Variants in PRR16 observed in about 807,000 individuals in gnomAD.
PRR16 encodes protein Largen.
Under a neutral mutation model 18.2 loss-of-function variants are expected in PRR16, and 6 were observed. The observed-to-expected ratio is 0.33, with a 90% CI of 0.18 to 0.65. The LOEUF is 0.65. Among genes scored for constraint, PRR16 ranks in the 30% least tolerant of loss-of-function variants. The probability of loss-of-function intolerance (pLI) is 0.74; values close to 1 mark genes in which losing one functional copy is unlikely to be tolerated. For synonymous variants in PRR16, 151 were observed against 147.8 expected, an observed-to-expected ratio of 1.02 and a Z score of -0.16; for missense variants, 412 against 376.6, an observed-to-expected ratio of 1.09 and a Z score of -0.78.
the PRR16 span, among the ~76,000 whole-genome samples, chr5:120,757,441 T>A: frequency 1.3e-5 from 2 of 152,096 alleles, no homozygotes; most frequent in Non-Finnish European, 2.9e-5. Context: ...ATTCTTCCAT[T>A]CCATGAGTAT....
the PRR16 span, among the ~76,000 whole-genome samples, chr5:120,698,295 C>T: frequency 2.0e-5 from 3 of 151,832 alleles, no homozygotes; most frequent in South Asian, 2.1e-4. Flanking sequence ...GGCCTGGATA[C>T]AGTTTTGTAT....
At chr5:120,546,883 A>G (rs529535473) in intron 1 of PRR16, among the ~76,000 whole-genome samples, 57 of 152,188 alleles carry the variant, frequency 3.7e-4, no homozygotes, top group African/African-American at 1.3e-3. Flanking sequence ...TAGCAGCACT[A>G]ACCCATAGGC....
At chr5:120,487,838 T>C (rs1749869021) in intron 1 of PRR16, among the ~76,000 whole-genome samples, 1 of 152,198 alleles carries the variant, frequency 6.6e-6, no homozygotes, top group African/African-American at 2.4e-5. Context: ...ACCGAATTTA[T>C]TGAGAGTTGT....
chr5:120,689,476 T>G (rs545799151), downstream of PRR16, among the ~76,000 whole-genome samples: 6 of 152,304 alleles, frequency 3.9e-5, no homozygotes, highest in African/African-American at 1.4e-4. Context: ...TAAAATATAG[T>G]ACATATTTCC....
chr5:120,733,337 A>G, the PRR16 span, among the ~76,000 whole-genome samples: 6 of 151,938 alleles, frequency 3.9e-5, no homozygotes, highest in East Asian at 1.2e-3. Context: ...TTTTAAAGAG[A>G]TGGGGTCTCA....
chr5:120,543,381 T>C (rs1281181308), intron 1 of PRR16, among the ~76,000 whole-genome samples: 2 of 152,158 alleles, frequency 1.3e-5, no homozygotes. Context: ...TGTTGACTTT[T>C]ATCTGGGGAC....
intron 1 of PRR16, among the ~76,000 whole-genome samples, chr5:120,523,917 T>C (rs1184753704): frequency 6.6e-6 from 1 of 152,160 alleles, no homozygotes; most frequent in East Asian, 1.9e-4. Context: ...AGAATTAATA[T>C]TTGAAAAGCA....
At chr5:120,731,251 T>C in the PRR16 span, among the ~76,000 whole-genome samples, 1 of 152,186 alleles carries the variant, frequency 6.6e-6, no homozygotes, top group African/African-American at 2.4e-5. Flanking sequence ...AACTAAAATA[T>C]GTAATTCTGG....
intron 1 of PRR16, among the ~76,000 whole-genome samples, chr5:120,589,790 C>G (rs551013907): frequency 1.3e-5 from 2 of 152,012 alleles, no homozygotes; most frequent in African/African-American, 4.8e-5. Flanking sequence ...TCCTGCAACA[C>G]GTAGGAATTA....
chr5:120,502,051 T>A (rs1430722337), intron 1 of PRR16, among the ~76,000 whole-genome samples: 1 of 149,200 alleles, frequency 6.7e-6, no homozygotes, highest in African/African-American at 2.5e-5. Context: ...TCAAATGAAG[T>A]ACGTTAATAA....
chr5:120,603,645 A>T (rs1338473053), intron 1 of PRR16, among the ~76,000 whole-genome samples: 1 of 151,780 alleles, frequency 6.6e-6, no homozygotes, highest in Non-Finnish European at 1.5e-5. Flanking sequence ...TCTAGGTGTG[A>T]TGTTAGGTTA....
In PRR16 at chr5:120,686,275, G is replaced by T; in HGVS notation, c.481G>T (p.Gly161Cys). The stretch of plus-strand genomic sequence containing the variant: ...CCTTCTACGAAATGGAGGCTTACCA[G>T]GTGGACCTAACAAAATTCCAAATGG... ...GTLLRNGGLP[G>C]GPNKIPNGDI... Residue 161 changes from glycine (G) to cysteine (C), a missense_variant, in exon 2 of 2, where the codon GGT (glycine) becomes TGT (cysteine). Coordinates refer to ENST00000407149, the MANE Select transcript of PRR16 (RefSeq NM_001300783.2). 2 of 1,614,096 alleles carry T rather than the reference G, an allele frequency of 1.2e-6. No individual in the cohort carries two copies. The highest frequency in any genetic ancestry group is 1.7e-6 in the Non-Finnish European group (2 of 1,180,034).
chr5:120,751,278 G>T, the PRR16 span, among the ~76,000 whole-genome samples: 1 of 152,042 alleles, frequency 6.6e-6, no homozygotes, highest in African/African-American at 2.4e-5. Context: ...TTTTCTTCTG[G>T]AGATACACCT....
intron 1 of PRR16, among the ~76,000 whole-genome samples, chr5:120,541,240 G>A (rs1003786969): frequency 6.6e-4 from 101 of 152,288 alleles, no homozygotes; most frequent in African/African-American, 2.4e-3. Context: ...TCTGCCTCCA[G>A]GTTCAAGTGA....
chr5:120,623,389 G>A (rs953640542), intron 1 of PRR16, among the ~76,000 whole-genome samples: 20 of 152,080 alleles, frequency 1.3e-4, no homozygotes, highest in Non-Finnish European at 2.4e-4. Context: ...GCACAAAGTG[G>A]GAGGTACTTC....
At chr5:120,626,342 A>G (rs568032187) in intron 1 of PRR16, among the ~76,000 whole-genome samples, 15 of 152,280 alleles carry the variant, frequency 9.9e-5, no homozygotes, top group Non-Finnish European at 1.8e-4. Flanking sequence ...CCCCACAGAA[A>G]CAGTATGTTA....
At chr5:120,684,372 C>T (rs981426898) in intron 1 of PRR16, among the ~76,000 whole-genome samples, 4 of 152,210 alleles carry the variant, frequency 2.6e-5, no homozygotes, top group South Asian at 2.1e-4. Context: ...TCCTGTCCAA[C>T]GTCTAGATGC....
chr5:120,738,774 G>T, the PRR16 span, among the ~76,000 whole-genome samples: 1 of 152,124 alleles, frequency 6.6e-6, no homozygotes. Flanking sequence ...CTGAGTGTCA[G>T]TAATCATAGC....
chr5:120,658,892 T>C (rs1007352522), intron 1 of PRR16, among the ~76,000 whole-genome samples: 1 of 151,934 alleles, frequency 6.6e-6, no homozygotes, highest in African/African-American at 2.4e-5. Flanking sequence ...TTTCCTTCTT[T>C]TTTTATTTCT....
Sources: allele counts gnomAD v4.1 joint callset (sites outside exome capture counted in the v4.1 genomes callset), GRCh38; gene constraint gnomAD v4.1.1; transcripts MANE v1.5; gene names NCBI Gene and HGNC (gene_info 2026-07-23, HGNC 2026-07-21).